PDE10A: variants seen among roughly 807,000 people sequenced by gnomAD.
PDE10A encodes the protein cAMP and cAMP-inhibited cGMP 3',5'-cyclic phosphodiesterase 10A.
Under a neutral mutation model 97.7 loss-of-function variants are expected in PDE10A, and 39 were observed. The observed-to-expected ratio is 0.40, with a 90% CI of 0.31 to 0.52. The LOEUF is 0.52. Ranked by LOEUF, PDE10A falls within the 20% of genes least tolerant of loss-of-function variation. The pLI, the probability that PDE10A is intolerant of heterozygous loss-of-function variation, is 0.56. For synonymous variants in PDE10A, 371 were observed against 376.8 expected, an observed-to-expected ratio of 0.98 and a Z score of 0.18; for missense variants, 731 against 1,047.8, an observed-to-expected ratio of 0.70 and a Z score of 4.17.
At chr6:165,625,110 G>C (rs1484476095) in intron 1 of PDE10A, among the ~76,000 whole-genome samples, 1 of 143,980 alleles carries the variant, frequency 6.9e-6, no homozygotes, top group Admixed American at 6.6e-5. Context: ...GAGTGGCAGA[G>C]GAAGCCAGCC....
At chr6:165,452,072 C>A (rs1791336230) in intron 3 of PDE10A, among the ~76,000 whole-genome samples, 1 of 152,138 alleles carries the variant, frequency 6.6e-6, no homozygotes, top group African/African-American at 2.4e-5. Flanking sequence ...CTAGGGATGC[C>A]CCCCTTCACC....
intron 2 of PDE10A, among the ~76,000 whole-genome samples, chr6:165,526,139 G>GT (rs1316284416): frequency 1.3e-5 from 2 of 152,134 alleles, no homozygotes; most frequent in African/African-American, 4.8e-5. Flanking sequence ...TTTTACCAAG[G>GT]TAACTGTGTA....
intron 1 of PDE10A, among the ~76,000 whole-genome samples, chr6:165,836,589 G>T (rs1172133451): frequency 6.6e-6 from 1 of 152,204 alleles, no homozygotes; most frequent in Admixed American, 6.5e-5. Flanking sequence ...TTCCAGATGG[G>T]TCATTCAGAG....
chr6:165,717,458 C>T (rs1315818422), intron 1 of PDE10A, among the ~76,000 whole-genome samples: 1 of 152,110 alleles, frequency 6.6e-6, no homozygotes, highest in African/African-American at 2.4e-5. Flanking sequence ...GTGGCTTGTG[C>T]CTGTAATCCA....
intron 1 of PDE10A, among the ~76,000 whole-genome samples, chr6:165,912,333 T>A (rs937867267): frequency 2.1e-4 from 32 of 152,162 alleles, no homozygotes; most frequent in African/African-American, 7.7e-4. Flanking sequence ...TCACAAAATA[T>A]ATCAGTAACT....
chr6:165,360,486 T>G (rs929903048), intron 18 of PDE10A, among the ~76,000 whole-genome samples: 1 of 152,184 alleles, frequency 6.6e-6, no homozygotes, highest in Non-Finnish European at 1.5e-5. Context: ...CAGTCCTTTA[T>G]CACCTACCAT....
chr6:165,815,147 C>T (rs1334238153), intron 1 of PDE10A, among the ~76,000 whole-genome samples: 1 of 152,184 alleles, frequency 6.6e-6, no homozygotes, highest in Non-Finnish European at 1.5e-5. Context: ...TCATGCACGC[C>T]AGTGCCCTGG....
chr6:165,535,686 A>C (rs1433472307), intron 2 of PDE10A, among the ~76,000 whole-genome samples: 1 of 151,734 alleles, frequency 6.6e-6, no homozygotes, highest in Non-Finnish European at 1.5e-5. Flanking sequence ...TATTTTTGCT[A>C]TTGTGAATAG....
At chr6:165,817,539 C>G (rs1779451902) in intron 1 of PDE10A, among the ~76,000 whole-genome samples, 1 of 152,056 alleles carries the variant, frequency 6.6e-6, no homozygotes, top group African/African-American at 2.4e-5. Flanking sequence ...GTGGTGTACC[C>G]CTGACCCTAG....
At chr6:165,378,626 ATATCTAATT>A (rs1339882216) in intron 18 of PDE10A, among the ~76,000 whole-genome samples, 3 of 152,218 alleles carry the variant, frequency 2.0e-5, no homozygotes, top group Non-Finnish European at 4.4e-5. Flanking sequence ...TTCCATTAGG[ATATCTAATT>A]TATCTAATCC....
chr6:165,829,233 TC>T (rs1172635015), intron 1 of PDE10A, among the ~76,000 whole-genome samples: 1 of 152,158 alleles, frequency 6.6e-6, no homozygotes. Flanking sequence ...ATATCGCTGC[TC>T]CCCCAGTGGA....
At chr6:165,411,557 T>C (rs1056050566) in intron 13 of PDE10A, among the ~76,000 whole-genome samples, 2 of 152,208 alleles carry the variant, frequency 1.3e-5, no homozygotes, top group East Asian at 3.8e-4. Context: ...GAGAAAAAAA[T>C]TTCCTGTTGT....
At chr6:165,356,684 A>G (rs1343931759) in intron 18 of PDE10A, among the ~76,000 whole-genome samples, 1 of 152,184 alleles carries the variant, frequency 6.6e-6, no homozygotes, top group African/African-American at 2.4e-5. Context: ...TCATCCAACT[A>G]AAACTGGTAA....
intron 1 of PDE10A, among the ~76,000 whole-genome samples, chr6:165,568,220 A>C (rs4310028): frequency 0.98 from 149,603 of 152,054 alleles, 73,643 homozygotes; most frequent in Middle Eastern, 1. Context: ...ACGATGGTCT[A>C]GATCTGCTGA....
intron 1 of PDE10A, among the ~76,000 whole-genome samples, chr6:165,869,934 C>T (rs1030806720): frequency 6.6e-6 from 1 of 152,034 alleles, no homozygotes; most frequent in African/African-American, 2.4e-5. Flanking sequence ...TCATCATATA[C>T]AAAAATCAAC....
At chr6:165,936,545 T>G (rs1431764391) in intron 1 of PDE10A, among the ~76,000 whole-genome samples, 1 of 152,110 alleles carries the variant, frequency 6.6e-6, no homozygotes, top group East Asian at 1.9e-4. Flanking sequence ...AAGACAGCTG[T>G]GTCCCCACCA....
intron 1 of PDE10A, among the ~76,000 whole-genome samples, chr6:165,594,062 A>ATTTAAT: frequency 6.6e-6 from 1 of 152,366 alleles, no homozygotes; most frequent in South Asian, 2.1e-4. Flanking sequence ...AATTGGAGAT[A>ATTTAAT]GCATTATAAC....
intron 21 of PDE10A, among the ~76,000 whole-genome samples, chr6:165,335,039 G>A (rs1052752646): frequency 3.9e-4 from 60 of 152,156 alleles, no homozygotes; most frequent in Non-Finnish European, 4.4e-5. Context: ...ACATGGCCCG[G>A]AGCCAATTCA....
chr6:165,679,005 A>C (rs1285223883), intron 1 of PDE10A, among the ~76,000 whole-genome samples: 1 of 152,216 alleles, frequency 6.6e-6, no homozygotes, highest in East Asian at 1.9e-4. Context: ...CATTGATTTA[A>C]TTCATGTGGA....
Sources: allele counts gnomAD v4.1 joint callset (sites outside exome capture counted in the v4.1 genomes callset), GRCh38; gene constraint gnomAD v4.1.1; transcripts MANE v1.5; gene names NCBI Gene and HGNC (gene_info 2026-07-23, HGNC 2026-07-21).